Variants in MSRA observed in about 807,000 individuals in gnomAD.
MSRA encodes mitochondrial peptide methionine sulfoxide reductase.
A neutral mutation model predicts 31.3 loss-of-function variants in MSRA; 54 were observed. That is an observed-to-expected ratio of 1.73 (90% CI 1.39 to 2.17). The LOEUF (loss-of-function observed/expected upper bound fraction) is 2.17. Among genes scored for constraint, MSRA ranks in the 30% most tolerant of loss-of-function variants. The probability of loss-of-function intolerance (pLI) is 0.00; values close to 1 mark genes in which losing one functional copy is unlikely to be tolerated. For missense variants in MSRA, 507 were observed against 300.9 expected (o/e 1.69, Z -5.07); for synonymous variants, 169 against 116.5 (o/e 1.45, Z -2.90).
intron 5 of MSRA, among the ~76,000 whole-genome samples, chr8:10,360,511 G>A (rs980729028): frequency 6.6e-6 from 1 of 152,166 alleles, no homozygotes; most frequent in African/African-American, 2.4e-5. Context: ...CATTGTAGCT[G>A]CCATCATCCC....
chr8:10,249,049 C>G (rs1017728525), intron 3 of MSRA, among the ~76,000 whole-genome samples: 2 of 152,082 alleles, frequency 1.3e-5, no homozygotes, highest in Non-Finnish European at 2.9e-5. Context: ...CTAGAACAGC[C>G]TGGGAGAGGG....
chr8:10,362,823 G>A (rs536190304), intron 5 of MSRA, among the ~76,000 whole-genome samples: 7 of 151,750 alleles, frequency 4.6e-5, no homozygotes, highest in South Asian at 2.1e-4. Flanking sequence ...GCAACTGCCC[G>A]CGCCACCGGG....
intron 1 of MSRA, among the ~76,000 whole-genome samples, chr8:10,085,552 C>G (rs961166002): frequency 6.6e-6 from 1 of 152,176 alleles, no homozygotes; most frequent in African/African-American, 2.4e-5. Context: ...GATACGGTAC[C>G]TTGGATGGTT....
At chr8:10,427,600 ACT>A (rs572605814) in intron 5 of MSRA, among the ~76,000 whole-genome samples, 126 of 152,106 alleles carry the variant, frequency 8.3e-4, no homozygotes, top group African/African-American at 3.0e-3. Context: ...GTGAGGGGAC[ACT>A]CTGTCTATCC....
At chr8:10,369,619 A>G (rs1029909488) in intron 5 of MSRA, among the ~76,000 whole-genome samples, 5 of 152,226 alleles carry the variant, frequency 3.3e-5, no homozygotes, top group African/African-American at 1.2e-4. Flanking sequence ...GAAATTTATA[A>G]TATATTAAAA....
At chr8:10,363,475 C>G (rs1354419837) in intron 5 of MSRA, among the ~76,000 whole-genome samples, 1 of 152,162 alleles carries the variant, frequency 6.6e-6, no homozygotes, top group Non-Finnish European at 1.5e-5. Context: ...GTTCCCTTAG[C>G]ACGTGATCCA....
At chr8:10,314,812 T>C (rs1392514902) in intron 4 of MSRA, among the ~76,000 whole-genome samples, 1 of 152,058 alleles carries the variant, frequency 6.6e-6, no homozygotes, top group Non-Finnish European at 1.5e-5. Flanking sequence ...ATGAAGAAAA[T>C]GGAAGGACCT....
chr8:10,150,741 C>G (rs1212414313), intron 1 of MSRA, among the ~76,000 whole-genome samples: 1 of 152,168 alleles, frequency 6.6e-6, no homozygotes, highest in Non-Finnish European at 1.5e-5. Context: ...GAAGCCTGTT[C>G]TTTCCCGTGT....
At chr8:10,312,724 G>C (rs528547133) in intron 4 of MSRA, among the ~76,000 whole-genome samples, 1 of 152,098 alleles carries the variant, frequency 6.6e-6, no homozygotes, top group East Asian at 1.9e-4. Context: ...TTCCTCCAAC[G>C]AACACAAGCT....
chr8:10,062,276 C>A (rs1186503017), intron 1 of MSRA, among the ~76,000 whole-genome samples: 1 of 152,232 alleles, frequency 6.6e-6, no homozygotes, highest in Non-Finnish European at 1.5e-5. Flanking sequence ...TTTCAGCTGA[C>A]ATCGGCAACC....
intron 1 of MSRA, among the ~76,000 whole-genome samples, chr8:10,145,959 C>A (rs1285482966): frequency 1.3e-5 from 2 of 152,068 alleles, no homozygotes. Context: ...AGCGTGTCCT[C>A]CAATTTGAAA....
intron 5 of MSRA, among the ~76,000 whole-genome samples, chr8:10,333,577 G>A (rs1802834203): frequency 6.6e-6 from 1 of 152,158 alleles, no homozygotes; most frequent in Non-Finnish European, 1.5e-5. Flanking sequence ...TTTCTTATTT[G>A]CTAAACAGGA....
intron 5 of MSRA, among the ~76,000 whole-genome samples, chr8:10,365,730 T>C (rs1390564850): frequency 6.6e-6 from 1 of 152,172 alleles, no homozygotes; most frequent in East Asian, 1.9e-4. Context: ...TCCCAGCCTA[T>C]AGGGAAGGGA....
intron 3 of MSRA, among the ~76,000 whole-genome samples, chr8:10,264,889 G>T (rs1050766857): frequency 1.3e-5 from 2 of 152,258 alleles, no homozygotes; most frequent in African/African-American, 2.4e-5. Flanking sequence ...GCAGGGTGGG[G>T]GTCAGGTTGG....
chr8:10,241,323 C>T (rs966031669), intron 2 of MSRA, among the ~76,000 whole-genome samples: 1 of 152,124 alleles, frequency 6.6e-6, no homozygotes, highest in Admixed American at 6.5e-5. Context: ...TATGAGACAA[C>T]TGAGGAGAAG....
chr8:10,328,351 G>A (rs780441575), intron 5 of MSRA, among the ~76,000 whole-genome samples: 5 of 148,638 alleles, frequency 3.4e-5, no homozygotes, highest in Non-Finnish European at 7.4e-5. Context: ...CCTTTCCCTC[G>A]CCTTTTCCCT....
intron 1 of MSRA, among the ~76,000 whole-genome samples, chr8:10,149,482 C>T (rs1232140925): frequency 1.3e-5 from 2 of 152,196 alleles, no homozygotes; most frequent in African/African-American, 4.8e-5. Flanking sequence ...CCCTCCAGGG[C>T]CTGTGCTGAT....
chr8:10,127,318 C>T (rs1801573937), intron 1 of MSRA, among the ~76,000 whole-genome samples: 1 of 152,184 alleles, frequency 6.6e-6, no homozygotes, highest in Non-Finnish European at 1.5e-5. Flanking sequence ...CAACCTCAGG[C>T]ATAAATGGGT....
chr8:10,319,791 A>C, intron 4 of MSRA, 92 bp from the exon 5 acceptor site: 1 of 630,078 alleles, frequency 1.6e-6, no homozygotes, highest in Admixed American at 4.0e-5. Context: ...GACCATATGA[A>C]AAGTGTCAAA....
Sources: allele counts gnomAD v4.1 joint callset (sites outside exome capture counted in the v4.1 genomes callset), GRCh38; gene constraint gnomAD v4.1.1; transcripts MANE v1.5; gene names NCBI Gene and HGNC (gene_info 2026-07-23, HGNC 2026-07-21).